VPS45: variants seen among roughly 807,000 people sequenced by gnomAD.
VPS45 encodes the protein vacuolar protein sorting-associated protein 45.
Under a neutral mutation model 75.9 loss-of-function variants are expected in VPS45, and 35 were observed. That is an observed-to-expected ratio of 0.46 (90% CI 0.35 to 0.61). The LOEUF (loss-of-function observed/expected upper bound fraction) is 0.61. Ranked by LOEUF, VPS45 falls within the 20% of genes least tolerant of loss-of-function variation. The probability of loss-of-function intolerance (pLI) is 0.00; values close to 1 mark genes in which losing one functional copy is unlikely to be tolerated. For synonymous variants in VPS45, 220 were observed against 238.2 expected, an observed-to-expected ratio of 0.92 and a Z score of 0.70; for missense variants, 559 against 685.9, an observed-to-expected ratio of 0.81 and a Z score of 2.07.
intron 4 of VPS45, 89 bp from the exon 5 acceptor site, chr1:150,076,827 G>C: frequency 6.9e-7 from 1 of 1,452,324 alleles, no homozygotes; most frequent in Non-Finnish European, 9.6e-7. Flanking sequence ...ACAAAGTTTG[G>C]CTATATCATA....
chr1:150,125,673 AT>A (rs1298088996), intron 14 of VPS45, among the ~76,000 whole-genome samples: 1 of 37,272 alleles, frequency 2.7e-5, no homozygotes, highest in African/African-American at 1.1e-4. Flanking sequence ...TAGGAGATAT[AT>A]TTTTTATTTT....
At chr1:150,070,966 G>A (rs1249576382) in intron 2 of VPS45, among the ~76,000 whole-genome samples, 1 of 151,512 alleles carries the variant, frequency 6.6e-6, no homozygotes, top group Non-Finnish European at 1.5e-5. Context: ...AGCATATTAC[G>A]AGGAAGTAAT....
intron 14 of VPS45, among the ~76,000 whole-genome samples, chr1:150,116,999 G>A (rs1237861337): frequency 6.6e-6 from 1 of 151,902 alleles, no homozygotes; most frequent in Non-Finnish European, 1.5e-5. Context: ...TCAGAAGATC[G>A]AGACCATCCT....
At chr1:150,108,398 G>A (rs994988963) in intron 13 of VPS45, among the ~76,000 whole-genome samples, 2 of 152,230 alleles carry the variant, frequency 1.3e-5, no homozygotes, top group South Asian at 4.1e-4. Flanking sequence ...TGCTACTGGG[G>A]AATTAAATAT....
At chr1:150,136,381 C>G (rs2101656417) in intron 14 of VPS45, among the ~76,000 whole-genome samples, 2 of 151,966 alleles carry the variant, frequency 1.3e-5, no homozygotes, top group Middle Eastern at 6.9e-3. Context: ...TGGTGAAACC[C>G]CGTCTCTACT....
At chr1:150,134,432 C>T (rs1367928157) in intron 14 of VPS45, among the ~76,000 whole-genome samples, 1 of 152,066 alleles carries the variant, frequency 6.6e-6, no homozygotes, top group Non-Finnish European at 1.5e-5. Flanking sequence ...AATAAATACG[C>T]TTGAGCCTTT....
At chr1:150,069,632 A>G (rs1478699624) in intron 2 of VPS45, among the ~76,000 whole-genome samples, 1 of 142,244 alleles carries the variant, frequency 7.0e-6, no homozygotes, top group African/African-American at 2.7e-5. Context: ...AATTTTTTGT[A>G]TTTTTAGTAG....
At chr1:150,117,212 A>AAATAAT (rs369167281) in intron 14 of VPS45, among the ~76,000 whole-genome samples, 3,131 of 150,392 alleles carry the variant, frequency 0.021, 88 homozygotes, top group African/African-American at 0.072. Context: ...AAAAATAATA[A>AAATAAT]AATAATAATA....
chr1:150,079,449 C>T (rs1426219620), intron 7 of VPS45, among the ~76,000 whole-genome samples: 1 of 152,094 alleles, frequency 6.6e-6, no homozygotes, highest in African/African-American at 2.4e-5. Context: ...CTCTCTCTGT[C>T]ACCCAGATTG....
At chr1:150,095,103 T>C (rs890220719) in intron 13 of VPS45, among the ~76,000 whole-genome samples, 2 of 152,196 alleles carry the variant, frequency 1.3e-5, no homozygotes, top group African/African-American at 4.8e-5. Context: ...GCTGGCGATA[T>C]AGAAGTGACA....
intron 14 of VPS45, among the ~76,000 whole-genome samples, chr1:150,131,147 T>C (rs1427220404): frequency 1.3e-5 from 2 of 152,112 alleles, no homozygotes; most frequent in East Asian, 3.8e-4. Flanking sequence ...TATATACACA[T>C]AATAGTGTGT....
rs587717260 is a variant in VPS45, at chr1:150,081,817, A to G, written c.823-67A>G. On this transcript the variant is annotated intron_variant, in intron 8 of 14. Transcript: ENST00000644510. ...AATTCTGTGTTCCAAATTCTTTTTC[A>G]CTTCTTTCAAGTTGTCTGAAAGTCA... 4.7e-5 allele frequency: 48 copies of G among 1,010,814 alleles called. 1 individual carries two copies. In the South Asian group the frequency reaches 6.5e-4, roughly 14 times the overall value. The allele number at this position is 1,010,814 out of a possible 1,614,324, so 62.6% of individuals were successfully genotyped here.
At chr1:150,107,170 C>T (rs1657374653) in intron 13 of VPS45, among the ~76,000 whole-genome samples, 1 of 152,150 alleles carries the variant, frequency 6.6e-6, no homozygotes, top group Non-Finnish European at 1.5e-5. Context: ...CTAGATAAAA[C>T]TCATCTATTC....
intron 14 of VPS45, among the ~76,000 whole-genome samples, chr1:150,113,300 T>C (rs1657746173): frequency 6.6e-6 from 1 of 152,084 alleles, no homozygotes; most frequent in Non-Finnish European, 1.5e-5. Flanking sequence ...GTGCCAAGAA[T>C]GGGGACAAAG....
At chr1:150,091,242 A>C (rs587750599) in intron 10 of VPS45, among the ~76,000 whole-genome samples, 2 of 152,336 alleles carry the variant, frequency 1.3e-5, no homozygotes, top group Admixed American at 1.3e-4. Flanking sequence ...TGCATGACAT[A>C]CTGCCTTATG....
chr1:150,131,520 A>T (rs78793267), intron 14 of VPS45, among the ~76,000 whole-genome samples: 3,264 of 152,108 alleles, frequency 0.021, 95 homozygotes, highest in African/African-American at 0.074. Flanking sequence ...TCAAAAAAAT[A>T]AAAATAAGGT....
intron 7 of VPS45, 49 bp downstream of exon 7, chr1:150,077,828 T>A: frequency 7.1e-7 from 1 of 1,405,514 alleles, no homozygotes; most frequent in South Asian, 1.2e-5. Flanking sequence ...TAAGTGATAT[T>A]CATCAAAATA....
chr1:150,068,584 A>G, intron 1 of VPS45, 46 bp from the exon 2 acceptor site: 1 of 1,432,904 alleles, frequency 7.0e-7, no homozygotes, highest in South Asian at 1.6e-5. Context: ...ACTTGTTTTT[A>G]TTATTCTAGA....
intron 13 of VPS45, among the ~76,000 whole-genome samples, chr1:150,101,132 T>C (rs2101587266): frequency 6.6e-6 from 1 of 151,370 alleles, no homozygotes; most frequent in African/African-American, 2.4e-5. Flanking sequence ...TAGCCACGAG[T>C]GGTGGCTGGC....
Sources: allele counts gnomAD v4.1 joint callset (sites outside exome capture counted in the v4.1 genomes callset), GRCh38; gene constraint gnomAD v4.1.1; transcripts MANE v1.5; gene names NCBI Gene and HGNC (gene_info 2026-07-23, HGNC 2026-07-21).